CTH: variants seen among roughly 807,000 people sequenced by gnomAD.
CTH encodes the protein cystathionase (cystathionine gamma-lyase).
Under a neutral mutation model 50.6 loss-of-function variants are expected in CTH, and 41 were observed. The ratio of observed to expected loss-of-function variants is 0.81; its 90% CI spans 0.63 to 1.05. The LOEUF is 1.05. Among genes scored for constraint, CTH ranks in the 50% least tolerant of loss-of-function variants. CTH has a pLI of 0.00. For synonymous variants in CTH, 156 were observed against 168.9 expected, an observed-to-expected ratio of 0.92 and a Z score of 0.59; for missense variants, 470 against 492.6, an observed-to-expected ratio of 0.95 and a Z score of 0.43.
chr1:70,435,384 A>G (rs1684576521), intron 10 of CTH, among the ~76,000 whole-genome samples: 1 of 152,104 alleles, frequency 6.6e-6, no homozygotes, highest in African/African-American at 2.4e-5. Context: ...GTGTCCTCCC[A>G]AATGTTGCTT....
rs1400442910 is a variant in CTH at position 70,439,485 on chromosome 1, T to C, written c.*358T>C. On this transcript the variant is annotated 3_prime_UTR_variant, in exon 12 of 12. Coordinates refer to ENST00000370938, the MANE Select transcript of CTH (RefSeq NM_001902.6). ...TTCATTTTTGATGTTTTGTGAAGAA[T>C]TTAAATTTAAACGAATGTTCTTAAA... is the stretch of plus-strand genomic sequence containing the variant. 1 of 217,690 alleles carries C rather than the reference T, an allele frequency of 4.6e-6. No homozygotes were observed. The highest frequency in any genetic ancestry group is 9.2e-6 in the Non-Finnish European group (1 of 109,092). 13.5% of individuals were successfully genotyped at this position (217,690 alleles called of 1,614,324 possible). A position where few individuals can be genotyped will look rare whatever the true frequency, so the allele number is the denominator to read the frequency against.
chr1:70,432,676 C>G (rs1028319272), intron 8 of CTH, among the ~76,000 whole-genome samples: 3 of 129,618 alleles, frequency 2.3e-5, no homozygotes, highest in African/African-American at 8.2e-5. Context: ...GAGGTTCTCT[C>G]TCTCTCTTTT....
At chr1:70,436,700 T>C (rs1684606357) in intron 10 of CTH, among the ~76,000 whole-genome samples, 1 of 152,132 alleles carries the variant, frequency 6.6e-6, no homozygotes. Flanking sequence ...AAATAATGAC[T>C]TGAAATAATT....
rs1344412444 is a variant in CTH, at chr1:70,433,849, A to G, written c.899A>G (p.His300Arg). The change falls in exon 9 of 12, where the codon CAT (histidine) becomes CGT (arginine). Residue 300 changes from histidine (H) to arginine (R), a missense_variant. Coordinates refer to ENST00000370938, the MANE Select transcript of CTH (RefSeq NM_001902.6). ...IYPGLPSHPQ[H>R]ELVKRQCTGC... ...ACAGGGCTGCCCTCTCATCCACAGC[A>G]TGAGTTGGTGAAGCGTCAGTGTACA... 1 of 1,613,972 alleles carries G rather than the reference A, an allele frequency of 6.2e-7. No homozygotes were observed. Among genetic ancestry groups the G allele is most frequent in the Non-Finnish European group, 8.5e-7 (1 of 1,179,914 alleles).
At chr1:70,415,136 C>T (rs1015613500) in intron 1 of CTH, among the ~76,000 whole-genome samples, 39 of 152,292 alleles carry the variant, frequency 2.6e-4, no homozygotes, top group African/African-American at 9.1e-4. Flanking sequence ...ACAGATGGCT[C>T]ACTCCTGTAA....
At chr1:70,436,719 G>C (rs1035567248) in intron 10 of CTH, among the ~76,000 whole-genome samples, 1 of 151,904 alleles carries the variant, frequency 6.6e-6, no homozygotes, top group African/African-American at 2.4e-5. Context: ...TTCATGTAAC[G>C]CAGATTTTTG....
intron 4 of CTH, 47 bp from the exon 5 acceptor site, chr1:70,424,238 G>C: frequency 6.2e-7 from 1 of 1,613,078 alleles, no homozygotes; most frequent in Non-Finnish European, 8.5e-7. Flanking sequence ...ATGTATGTTT[G>C]TAAAGTATAT....
chr1:70,432,000 T>C, intron 7 of CTH, 83 bp from the exon 8 acceptor site: 1 of 1,415,766 alleles, frequency 7.1e-7, no homozygotes, highest in Non-Finnish European at 9.9e-7. Flanking sequence ...CTTCTGAGAG[T>C]CACTGTAATG....
intron 3 of CTH, among the ~76,000 whole-genome samples, chr1:70,418,392 G>A (rs1684140902): frequency 6.6e-6 from 1 of 152,132 alleles, no homozygotes; most frequent in Admixed American, 6.6e-5. Context: ...TGGGACCCCA[G>A]GCGCATGCCA....
At chr1:70,431,875 G>A (rs531558185) in intron 7 of CTH, among the ~76,000 whole-genome samples, 1 of 152,210 alleles carries the variant, frequency 6.6e-6, no homozygotes, top group East Asian at 1.9e-4. Context: ...CAGCATATTT[G>A]CTTCCCCTCA....
rs1037107388 is a variant in CTH, at chr1:70,436,032, C to A, written c.1052+855C>A. Among the ~76,000 whole-genome samples the A allele has an allele frequency of 2.0e-5, 3 of 152,062 alleles. No individual in the cohort carries two copies. In the South Asian group the frequency reaches 6.2e-4, roughly 31 times the overall value. On this transcript the variant is annotated intron_variant, in intron 10 of 11. Transcript: ENST00000370938. ...AATGAGATTAATAATTAATGATTTT[C>A]GGCCTGGTGCAATGGCTGACGCCTG... is the stretch of plus-strand genomic sequence containing the variant.
intron 10 of CTH, among the ~76,000 whole-genome samples, 161 bp downstream of exon 10, chr1:70,435,338 G>T (rs1251792851): frequency 1.3e-5 from 2 of 152,094 alleles, no homozygotes; most frequent in Non-Finnish European, 2.9e-5. Flanking sequence ...TGGAGACCCT[G>T]ATAAAATCTC....
chr1:70,416,137 G>A, intron 2 of CTH, 100 bp downstream of exon 2: 1 of 785,710 alleles, frequency 1.3e-6, no homozygotes, highest in East Asian at 2.6e-5. Flanking sequence ...AGATTTGCTA[G>A]TTCAAAATTC....
At chr1:70,417,768 T>G (rs994830570) in intron 2 of CTH, among the ~76,000 whole-genome samples, 169 bp from the exon 3 acceptor site, 10 of 152,252 alleles carry the variant, frequency 6.6e-5, no homozygotes, top group African/African-American at 2.4e-4. Context: ...AGATATCTTA[T>G]TCTTGAAATA....
chr1:70,436,052 C>T (rs113875385), intron 10 of CTH, among the ~76,000 whole-genome samples: 15 of 152,086 alleles, frequency 9.9e-5, no homozygotes, highest in Admixed American at 6.6e-4. Context: ...CAATGGCTGA[C>T]GCCTGCAATT....
At chr1:70,415,690 T>C (rs1037200018) in intron 1 of CTH, among the ~76,000 whole-genome samples, 7 of 152,236 alleles carry the variant, frequency 4.6e-5, no homozygotes, top group African/African-American at 1.7e-4. Context: ...TTTACAGATA[T>C]TGAGATTGAC....
chr1:70,416,219 G>C (rs1003226231), intron 2 of CTH, among the ~76,000 whole-genome samples, 182 bp downstream of exon 2: 1 of 151,794 alleles, frequency 6.6e-6, no homozygotes, highest in Non-Finnish European at 1.5e-5. Context: ...GTAATCATCA[G>C]GTAAAAATAC....
chr1:70,437,706 G>A (rs979380406), intron 10 of CTH, among the ~76,000 whole-genome samples: 1 of 152,174 alleles, frequency 6.6e-6, no homozygotes, highest in African/African-American at 2.4e-5. Context: ...TTAGTAAAGT[G>A]ACAAAGGAAG....
intron 10 of CTH, among the ~76,000 whole-genome samples, chr1:70,437,925 G>A (rs1041633160): frequency 7.2e-5 from 11 of 152,168 alleles, no homozygotes; most frequent in African/African-American, 2.7e-4. Context: ...GAACTTGGCA[G>A]TCTTTTTGTC....
Sources: allele counts gnomAD v4.1 joint callset (sites outside exome capture counted in the v4.1 genomes callset), GRCh38; gene constraint gnomAD v4.1.1; transcripts MANE v1.5; gene names NCBI Gene and HGNC (gene_info 2026-07-23, HGNC 2026-07-21).